The following ESYT2 variants were observed in gnomAD, a reference collection of about 807,000 sequenced individuals.
The protein encoded by ESYT2 is extended synaptotagmin-2.
ESYT2 carries 54 observed loss-of-function variants against 107.2 expected under a neutral mutation model. The ratio of observed to expected loss-of-function variants is 0.50; its 90% CI spans 0.40 to 0.63. ESYT2 has a LOEUF of 0.63. ESYT2 is among the 30% of genes least tolerant of loss of function. ESYT2 has a pLI of 0.00. For synonymous variants in ESYT2, 491 were observed against 434.1 expected, an observed-to-expected ratio of 1.13 and a Z score of -1.63; for missense variants, 1,020 against 1,094.5, an observed-to-expected ratio of 0.93 and a Z score of 0.96.
intron 20 of ESYT2, 113 bp from the exon 21 acceptor site, chr7:158,735,721 T>C: frequency 1.1e-6 from 1 of 936,420 alleles, no homozygotes; most frequent in Non-Finnish European, 1.6e-6. Context: ...TTGTTTTTTA[T>C]TATAAAACTG....
At chr7:158,771,322 G>A (rs2129472482) in intron 7 of ESYT2, among the ~76,000 whole-genome samples, 1 of 152,342 alleles carries the variant, frequency 6.6e-6, no homozygotes. Flanking sequence ...ACACTGATGT[G>A]TGTGGATGTT....
At chr7:158,736,167 G>A (rs1015253082) in intron 20 of ESYT2, among the ~76,000 whole-genome samples, 2 of 112,754 alleles carry the variant, frequency 1.8e-5, no homozygotes, top group Non-Finnish European at 3.6e-5. Flanking sequence ...GTGCTGGGGG[G>A]CAAGTGGAGT....
intron 8 of ESYT2, among the ~76,000 whole-genome samples, chr7:158,765,367 G>A (rs1039675451): frequency 1.1e-4 from 17 of 152,172 alleles, no homozygotes; most frequent in Non-Finnish European, 2.2e-4. Context: ...ATAATTCTAT[G>A]CAATCCTGTC....
intron 7 of ESYT2, among the ~76,000 whole-genome samples, chr7:158,772,931 T>C (rs962068995): frequency 1.3e-5 from 2 of 148,908 alleles, no homozygotes; most frequent in African/African-American, 2.5e-5. Flanking sequence ...GGGGTAGCCA[T>C]AGGCTGGAGA....
chr7:158,828,566 G>C (rs1235463618), intron 1 of ESYT2, among the ~76,000 whole-genome samples: 1 of 152,230 alleles, frequency 6.6e-6, no homozygotes, highest in Non-Finnish European at 1.5e-5. Flanking sequence ...AAGCCGCGCG[G>C]GACGGCGAGG....
In ESYT2 at chr7:158,829,377, G is replaced by A; in HGVS notation, c.42C>T (p.Gly14=). ...CAGGCGCCGCGCGGCCCCCAGCCCC[G>A]CCGGCGCCCGCCTCCGGGCCCTCGC... ...ARGEGPEAGA[G]GAGGRAAPEN... Residue 14 remains glycine, a synonymous_variant, in exon 1 of 23, where the codon GGC becomes GGT. Transcript: ENST00000275418. 1.6e-6 allele frequency: 2 copies of A among 1,264,898 alleles called. No homozygotes were observed. The highest frequency in any genetic ancestry group is 9.9e-7 in the Non-Finnish European group (1 of 1,012,162). 78.4% of individuals were successfully genotyped at this position (1,264,898 alleles called of 1,614,324 possible).
intron 1 of ESYT2, among the ~76,000 whole-genome samples, chr7:158,813,850 G>T (rs1306157316): frequency 6.6e-6 from 1 of 151,486 alleles, no homozygotes; most frequent in Non-Finnish European, 1.5e-5. Flanking sequence ...TCGTCCCGAT[G>T]ACTCTCACAG....
chr7:158,807,576 C>T (rs915906566), intron 1 of ESYT2, among the ~76,000 whole-genome samples: 57 of 152,298 alleles, frequency 3.7e-4, no homozygotes, highest in African/African-American at 1.3e-3. Context: ...TCATTACCTT[C>T]ACTGGATGTT....
chr7:158,748,708 TTTTTTTA>T (rs1281758641), intron 15 of ESYT2, among the ~76,000 whole-genome samples: 3 of 152,110 alleles, frequency 2.0e-5, no homozygotes, highest in Non-Finnish European at 4.4e-5. Flanking sequence ...TCTTTCTTTT[TTTTTTTA>T]TTTTTTATTT....
Position 158,744,899 on chromosome 7 carries a change from C to T in ESYT2, c.1645-1221G>A, listed in dbSNP as rs572242669. The stretch of plus-strand genomic sequence containing the variant: ...ACAAAAGCAGTTTTAAATGAAATAA[C>T]TATGACAATGTTTGTGGAACTTTAA... On this transcript the variant is annotated intron_variant, in intron 16 of 22. Coordinates refer to ENST00000275418, the MANE Select transcript of ESYT2 (RefSeq NM_001367773.1). Among the ~76,000 whole-genome samples the T allele has an allele frequency of 3.3e-5, 5 of 152,258 alleles. No homozygotes were observed. The East Asian group carries it at 5.8e-4, about 18-fold the overall frequency.
chr7:158,808,293 C>G (rs1313957313), intron 1 of ESYT2, among the ~76,000 whole-genome samples: 1 of 152,226 alleles, frequency 6.6e-6, no homozygotes, highest in Admixed American at 6.5e-5. Context: ...TCACTCTGTC[C>G]AGCTCGAGAC....
chr7:158,825,588 C>T (rs1320640326), intron 1 of ESYT2, among the ~76,000 whole-genome samples: 2 of 152,244 alleles, frequency 1.3e-5, no homozygotes, highest in African/African-American at 2.4e-5. Context: ...CAATCAGGAA[C>T]AGTACATATA....
chr7:158,743,745 C>A, intron 16 of ESYT2, 67 bp from the exon 17 acceptor site: 1 of 1,516,000 alleles, frequency 6.6e-7, no homozygotes, highest in South Asian at 1.2e-5. Flanking sequence ...TCTACGTTGT[C>A]TACGCTCCTG....
At chr7:158,745,594 G>A (rs975233644) in intron 16 of ESYT2, among the ~76,000 whole-genome samples, 2 of 152,050 alleles carry the variant, frequency 1.3e-5, no homozygotes, top group Non-Finnish European at 2.9e-5. Context: ...GCAGTGCTCT[G>A]GGCCATAAAG....
At chr7:158,771,275 T>A (rs565604408) in intron 7 of ESYT2, among the ~76,000 whole-genome samples, 1 of 152,366 alleles carries the variant, frequency 6.6e-6, no homozygotes, top group Admixed American at 6.5e-5. Context: ...AGTCCTCCTA[T>A]GATACTGAAG....
At chr7:158,754,260 G>A (rs1391588509) in intron 13 of ESYT2, among the ~76,000 whole-genome samples, 1 of 152,122 alleles carries the variant, frequency 6.6e-6, no homozygotes, top group Non-Finnish European at 1.5e-5. Context: ...AGGCTGCAGT[G>A]CAGTGGCACC....
At chr7:158,788,257 C>A in intron 5 of ESYT2, 88 bp downstream of exon 5, 1 of 1,356,874 alleles carries the variant, frequency 7.4e-7, no homozygotes, top group Non-Finnish European at 1.0e-6. Context: ...AAATTCCAAG[C>A]TAAAAAAACT....
At chr7:158,762,107 C>T (rs1837989473) in intron 10 of ESYT2, among the ~76,000 whole-genome samples, 1 of 152,048 alleles carries the variant, frequency 6.6e-6, no homozygotes, top group East Asian at 1.9e-4. Flanking sequence ...AGGCCCATTC[C>T]CGTTCCCCTA....
At chr7:158,768,176 CAT>C (rs1838230347) in intron 7 of ESYT2, among the ~76,000 whole-genome samples, 1 of 152,092 alleles carries the variant, frequency 6.6e-6, no homozygotes, top group Admixed American at 6.5e-5. Flanking sequence ...CTTTTTTTAA[CAT>C]AAACTATTTC....
Sources: gnomAD v4.1 joint callset for allele counts (sites outside exome capture counted in the v4.1 genomes callset) on GRCh38, gnomAD v4.1.1 for gene constraint, MANE v1.5 for transcripts, NCBI Gene and HGNC (gene_info 2026-07-23, HGNC 2026-07-21) for gene names.